GRID2: variants seen among roughly 807,000 people sequenced by gnomAD.
The protein encoded by GRID2 is glutamate ionotropic receptor delta type subunit 2.
GRID2 carries 33 observed loss-of-function variants against 114.8 expected under a neutral mutation model. The ratio of observed to expected loss-of-function variants is 0.29; its 90% CI spans 0.22 to 0.38. The LOEUF (loss-of-function observed/expected upper bound fraction) is 0.38. Ranked by LOEUF, GRID2 falls within the 10% of genes least tolerant of loss-of-function variation. The pLI, the probability that GRID2 is intolerant of heterozygous loss-of-function variation, is 1.00. For synonymous variants in GRID2, 505 were observed against 449.9 expected (o/e 1.12, Z -1.55); for missense variants, 1,184 against 1,257.7 (o/e 0.94, Z 0.89).
At chr4:93,580,334 T>C (rs1276369348) in intron 13 of GRID2, among the ~76,000 whole-genome samples, 1 of 152,198 alleles carries the variant, frequency 6.6e-6, no homozygotes, top group East Asian at 1.9e-4. Context: ...CCCCGTTTCC[T>C]ACCATAAAAG....
At chr4:92,963,600 G>A (rs1752957006) in intron 2 of GRID2, among the ~76,000 whole-genome samples, 1 of 151,930 alleles carries the variant, frequency 6.6e-6, no homozygotes, top group Non-Finnish European at 1.5e-5. Context: ...CACAACTGCA[G>A]TTACTTCTTC....
chr4:92,586,051 T>G (rs1281534953), intron 1 of GRID2, among the ~76,000 whole-genome samples: 3 of 151,874 alleles, frequency 2.0e-5, no homozygotes, highest in Non-Finnish European at 4.4e-5. Flanking sequence ...TTAAAAAGAT[T>G]TAATCAATGA....
intron 14 of GRID2, among the ~76,000 whole-genome samples, chr4:93,676,191 G>C (rs188776687): frequency 4.2e-4 from 64 of 152,346 alleles, no homozygotes; most frequent in African/African-American, 1.4e-3. Context: ...TTGAAGACCT[G>C]TAACTTTGAA....
At chr4:92,944,964 C>T (rs971280965) in intron 2 of GRID2, among the ~76,000 whole-genome samples, 5 of 152,032 alleles carry the variant, frequency 3.3e-5, no homozygotes, top group Non-Finnish European at 7.4e-5. Flanking sequence ...TCATATTTGC[C>T]ACTGTTTTCA....
At chr4:93,038,477 T>C (rs1725141784) in intron 2 of GRID2, among the ~76,000 whole-genome samples, 1 of 152,094 alleles carries the variant, frequency 6.6e-6, no homozygotes, top group East Asian at 1.9e-4. Flanking sequence ...TTATGCCAGT[T>C]AGAATGGCGA....
chr4:93,084,735 T>C (rs935696614), intron 2 of GRID2, among the ~76,000 whole-genome samples: 2 of 152,236 alleles, frequency 1.3e-5, no homozygotes, highest in Non-Finnish European at 2.9e-5. Flanking sequence ...TCATGCTATT[T>C]TACCCTCTTT....
At chr4:92,737,373 G>C (rs556427637) in intron 2 of GRID2, among the ~76,000 whole-genome samples, 31 of 152,044 alleles carry the variant, frequency 2.0e-4, no homozygotes, top group Non-Finnish European at 3.5e-4. Context: ...AGATAGAAGA[G>C]TCTGCCCATT....
rs746895113 is a variant in GRID2, at chr4:93,695,351, T to TG, written c.2360+68917dup. ...CTGGGCTATAATGGCACAATCGAAA[T>TG]GCATTAAATCAAATTGTAAGAAGAG... On this transcript the variant is annotated intron_variant, in intron 14 of 15. Coordinates refer to ENST00000282020, the MANE Select transcript of GRID2 (RefSeq NM_001510.4). 5.9e-5 allele frequency among the ~76,000 whole-genome samples: 9 copies of TG among 152,246 alleles called. No homozygotes were observed. The South Asian group carries it at 1.0e-3, about 18-fold the overall frequency.
intron 2 of GRID2, among the ~76,000 whole-genome samples, chr4:92,692,967 G>C (rs1734246657): frequency 6.6e-6 from 1 of 151,300 alleles, no homozygotes; most frequent in African/African-American, 2.4e-5. Flanking sequence ...AGGTGGCAGT[G>C]AGCTGAGATC....
At chr4:93,355,174 C>T (rs575864748) in intron 8 of GRID2, among the ~76,000 whole-genome samples, 1 of 152,022 alleles carries the variant, frequency 6.6e-6, no homozygotes, top group South Asian at 2.1e-4. Context: ...CCATTACTTA[C>T]TACTGTGGAA....
intron 1 of GRID2, among the ~76,000 whole-genome samples, chr4:92,329,609 TATTG>T (rs2110140830): frequency 6.6e-6 from 1 of 152,188 alleles, no homozygotes; most frequent in Admixed American, 6.6e-5. Flanking sequence ...CAATGATATA[TATTG>T]ATTATTTTGA....
At chr4:93,283,204 T>C (rs1345891533) in intron 8 of GRID2, among the ~76,000 whole-genome samples, 2 of 152,064 alleles carry the variant, frequency 1.3e-5, no homozygotes, top group Admixed American at 1.3e-4. Flanking sequence ...GTGTTCACAG[T>C]ATATGAGAAG....
chr4:92,602,981 T>C (rs1400626151), intron 2 of GRID2, among the ~76,000 whole-genome samples: 1 of 152,090 alleles, frequency 6.6e-6, no homozygotes, highest in Non-Finnish European at 1.5e-5. Flanking sequence ...TACCTTGGAA[T>C]ACAGCTAGCA....
chr4:93,124,506 T>C (rs1034305519), intron 4 of GRID2, among the ~76,000 whole-genome samples: 3 of 152,218 alleles, frequency 2.0e-5, no homozygotes, highest in African/African-American at 7.2e-5. Context: ...TACCACTATC[T>C]GCCCTGCTGT....
intron 8 of GRID2, among the ~76,000 whole-genome samples, chr4:93,350,575 AT>A (rs200432789): frequency 2.0e-5 from 3 of 151,798 alleles, no homozygotes; most frequent in Non-Finnish European, 4.4e-5. Context: ...GCAGGGAGCT[AT>A]TTTTTTTAAA....
At chr4:93,667,820 C>A (rs1724078158) in intron 14 of GRID2, among the ~76,000 whole-genome samples, 1 of 151,882 alleles carries the variant, frequency 6.6e-6, no homozygotes, top group Admixed American at 6.6e-5. Flanking sequence ...ACGATTTTTT[C>A]TTTTGTTCAA....
At chr4:93,218,857 C>A (rs536356242) in intron 6 of GRID2, among the ~76,000 whole-genome samples, 1 of 152,100 alleles carries the variant, frequency 6.6e-6, no homozygotes, top group Non-Finnish European at 1.5e-5. Flanking sequence ...TTCCTCACAT[C>A]GCAGCAGGTA....
intron 14 of GRID2, among the ~76,000 whole-genome samples, chr4:93,658,725 A>T (rs1723230043): frequency 6.6e-6 from 1 of 152,196 alleles, no homozygotes. Flanking sequence ...ATGAGTCATA[A>T]GGGATGAGGA....
At chr4:93,597,360 A>T (rs1289990198) in intron 13 of GRID2, among the ~76,000 whole-genome samples, 2 of 152,180 alleles carry the variant, frequency 1.3e-5, no homozygotes, top group Non-Finnish European at 2.9e-5. Flanking sequence ...CTGTTTTGAA[A>T]ATCTACAGCT....
Sources: gnomAD v4.1 joint callset for allele counts (sites outside exome capture counted in the v4.1 genomes callset) on GRCh38, gnomAD v4.1.1 for gene constraint, MANE v1.5 for transcripts, NCBI Gene and HGNC (gene_info 2026-07-23, HGNC 2026-07-21) for gene names.